The following KCNMA1 variants were observed in gnomAD, a reference collection of about 807,000 sequenced individuals.
KCNMA1 encodes the protein Calcium-activated potassium channel subunit alpha-1.
In KCNMA1, 29 loss-of-function variants were observed where a neutral mutation model predicts 140.0. The ratio of observed to expected loss-of-function variants is 0.21; its 90% CI spans 0.15 to 0.28. The LOEUF is 0.28. Among genes scored for constraint, KCNMA1 ranks in the 10% least tolerant of loss-of-function variants. KCNMA1 has a pLI of 1.00. For synonymous variants in KCNMA1, 612 were observed against 611.9 expected (o/e 1.00, Z 0.00); for missense variants, 880 against 1,602.2 (o/e 0.55, Z 7.70).
intron 14 of KCNMA1, among the ~76,000 whole-genome samples, chr10:77,047,377 G>T (rs542809447): frequency 6.6e-6 from 1 of 152,232 alleles, no homozygotes; most frequent in South Asian, 2.1e-4. Context: ...TTCAGAGGGC[G>T]ATTAAAAGAC....
chr10:77,451,964 A>G (rs1465805170), intron 1 of KCNMA1, among the ~76,000 whole-genome samples: 1 of 152,204 alleles, frequency 6.6e-6, no homozygotes, highest in African/African-American at 2.4e-5. Context: ...TCCCCATTCA[A>G]TGTCTCTTTC....
chr10:77,598,223 G>A (rs1240211573), intron 1 of KCNMA1, among the ~76,000 whole-genome samples: 2 of 152,096 alleles, frequency 1.3e-5, no homozygotes, highest in African/African-American at 2.4e-5. Context: ...CGCCCACCTT[G>A]GCCTCCCAAA....
intron 23 of KCNMA1, among the ~76,000 whole-genome samples, chr10:76,941,870 C>T (rs939655865): frequency 3.9e-5 from 6 of 152,210 alleles, no homozygotes; most frequent in African/African-American, 1.2e-4. Flanking sequence ...AAGGCGCTGG[C>T]ATGTTCAGTC....
intron 1 of KCNMA1, among the ~76,000 whole-genome samples, chr10:77,426,225 G>A (rs1410130742): frequency 6.6e-6 from 1 of 152,166 alleles, no homozygotes; most frequent in African/African-American, 2.4e-5. Flanking sequence ...AGATCCAATG[G>A]AGTAATCTTC....
At chr10:77,066,028 G>C (rs2095927906) in intron 14 of KCNMA1, among the ~76,000 whole-genome samples, 1 of 152,172 alleles carries the variant, frequency 6.6e-6, no homozygotes. Context: ...TGAGGTTCCA[G>C]GGACCTGACT....
intron 2 of KCNMA1, among the ~76,000 whole-genome samples, chr10:77,366,259 C>T (rs542957944): frequency 6.6e-6 from 1 of 152,210 alleles, no homozygotes; most frequent in African/African-American, 2.4e-5. Flanking sequence ...ACCTCCGCCT[C>T]CCAGGTTCAA....
downstream of KCNMA1, chr10:76,875,894 T>C (rs890569083): frequency 6.6e-6 from 1 of 152,670 alleles, no homozygotes; most frequent in South Asian, 2.1e-4. Context: ...CTGAGTAGGC[T>C]AGTGATTAAT....
chr10:77,581,052 C>A (rs2075729726), intron 1 of KCNMA1, among the ~76,000 whole-genome samples: 2 of 152,192 alleles, frequency 1.3e-5, no homozygotes. Flanking sequence ...CTGCTATCAC[C>A]ATCATAAAAT....
At chr10:77,596,397 T>C (rs1015147204) in intron 1 of KCNMA1, among the ~76,000 whole-genome samples, 1 of 152,102 alleles carries the variant, frequency 6.6e-6, no homozygotes, top group Admixed American at 6.5e-5. Flanking sequence ...TATTCATTGT[T>C]TGAAGTGCAA....
chr10:77,407,463 C>A (rs1411014721), intron 1 of KCNMA1, among the ~76,000 whole-genome samples: 2 of 152,234 alleles, frequency 1.3e-5, no homozygotes, highest in African/African-American at 4.8e-5. Context: ...TAGGTGCCAG[C>A]AACTAAGAAT....
At chr10:77,282,603 C>A (rs2069055248) in intron 2 of KCNMA1, among the ~76,000 whole-genome samples, 1 of 152,166 alleles carries the variant, frequency 6.6e-6, no homozygotes, top group African/African-American at 2.4e-5. Context: ...TCAAGGGAAA[C>A]AGAGGCAGGC....
chr10:76,898,744 A>C (rs1270726075), intron 25 of KCNMA1, among the ~76,000 whole-genome samples: 11 of 152,088 alleles, frequency 7.2e-5, no homozygotes, highest in Non-Finnish European at 4.4e-5. Flanking sequence ...TGACATATAA[A>C]AATATCATGT....
intron 3 of KCNMA1, among the ~76,000 whole-genome samples, chr10:77,220,320 T>C (rs551987727): frequency 4.6e-5 from 7 of 152,106 alleles, no homozygotes; most frequent in Admixed American, 4.6e-4. Context: ...GGAGTTTGAG[T>C]CTACTCCATG....
chr10:77,465,866 G>A (rs1390539492), intron 1 of KCNMA1, among the ~76,000 whole-genome samples: 1 of 152,218 alleles, frequency 6.6e-6, no homozygotes, highest in Non-Finnish European at 1.5e-5. Flanking sequence ...TGGTCTAGAT[G>A]TGTGACGCTT....
At chr10:77,581,399 C>G (rs1196943433) in intron 1 of KCNMA1, among the ~76,000 whole-genome samples, 2 of 151,966 alleles carry the variant, frequency 1.3e-5, no homozygotes, top group African/African-American at 2.4e-5. Context: ...ACCTCTGCCT[C>G]CCGGGTTCAC....
intron 1 of KCNMA1, among the ~76,000 whole-genome samples, chr10:77,581,764 G>A (rs2154563037): frequency 6.6e-6 from 1 of 152,334 alleles, no homozygotes; most frequent in South Asian, 2.1e-4. Context: ...CCTTGGAACG[G>A]TGACTAGGAG....
At chr10:77,523,843 C>CA (rs1280023076) in intron 1 of KCNMA1, among the ~76,000 whole-genome samples, 5 of 151,744 alleles carry the variant, frequency 3.3e-5, no homozygotes, top group Admixed American at 2.0e-4. Flanking sequence ...TTAATGGATA[C>CA]AAAAAAATAG....
At chr10:77,279,430 A>G (rs1481949222) in intron 2 of KCNMA1, among the ~76,000 whole-genome samples, 1 of 152,162 alleles carries the variant, frequency 6.6e-6, no homozygotes, top group Non-Finnish European at 1.5e-5. Flanking sequence ...AATCCCAGCA[A>G]GCGGACAAAG....
intron 2 of KCNMA1, among the ~76,000 whole-genome samples, chr10:77,299,544 C>T (rs780115970): frequency 6.6e-6 from 1 of 152,142 alleles, no homozygotes; most frequent in Admixed American, 6.5e-5. Flanking sequence ...GTCGGTGTAA[C>T]CTATCAAGCT....
Sources: allele counts gnomAD v4.1 joint callset (sites outside exome capture counted in the v4.1 genomes callset), GRCh38; gene constraint gnomAD v4.1.1; transcripts MANE v1.5; gene names NCBI Gene and HGNC (gene_info 2026-07-23, HGNC 2026-07-21).